Variants in CWC27 observed in about 807,000 individuals in gnomAD.
CWC27 encodes the protein spliceosome-associated protein CWC27 homolog.
Under a neutral mutation model 63.6 loss-of-function variants are expected in CWC27, and 47 were observed. That is an observed-to-expected ratio of 0.74 (90% CI 0.58 to 0.94). CWC27 has a LOEUF of 0.94. Ranked by LOEUF, CWC27 falls within the 40% of genes least tolerant of loss-of-function variation. CWC27 has a pLI of 0.00. For missense variants in CWC27, 495 were observed against 554.3 expected, an observed-to-expected ratio of 0.89 and a Z score of 1.07; for synonymous variants, 175 against 179.8, an observed-to-expected ratio of 0.97 and a Z score of 0.22.
chr5:64,775,864 G>A (rs1216859996), intron 2 of CWC27, among the ~76,000 whole-genome samples: 1 of 151,986 alleles, frequency 6.6e-6, no homozygotes, highest in Non-Finnish European at 1.5e-5. Context: ...GTTCTTCTAA[G>A]TTATATTTGA....
chr5:64,861,516 G>A (rs1168680642), intron 10 of CWC27, among the ~76,000 whole-genome samples: 2 of 152,012 alleles, frequency 1.3e-5, no homozygotes, highest in Non-Finnish European at 2.9e-5. Context: ...CAAAACAGTT[G>A]ACTAAACATG....
chr5:64,801,168 T>C (rs1426131266), intron 8 of CWC27, 134 bp from the exon 9 acceptor site: 1 of 843,588 alleles, frequency 1.2e-6, no homozygotes, highest in African/African-American at 1.9e-5. Flanking sequence ...CTATAATGCC[T>C]TTCTTAAATT....
intron 10 of CWC27, among the ~76,000 whole-genome samples, chr5:64,858,463 A>AAATAATAAT (rs199882585): frequency 3.0e-3 from 443 of 146,598 alleles, no homozygotes; most frequent in African/African-American, 9.3e-3. Flanking sequence ...CTCCATCTCA[A>AAATAATAAT]AATAATAATA....
At chr5:64,835,486 C>T (rs1304620652) in intron 10 of CWC27, among the ~76,000 whole-genome samples, 1 of 151,752 alleles carries the variant, frequency 6.6e-6, no homozygotes, top group African/African-American at 2.4e-5. Flanking sequence ...CATGTGGAAA[C>T]AGCAAACTTT....
At position 65,018,725 on chromosome 5, in the gene CWC27, T is replaced by C. The variant is rs1466317378; in HGVS notation, c.*404T>C. The C allele has an allele frequency of 1.3e-5, 2 of 151,792 alleles. No homozygotes were observed. Among genetic ancestry groups the C allele is most frequent in the African/African-American group, 2.4e-5 (1 of 41,374 alleles). 9.4% of individuals were successfully genotyped at this position (151,792 alleles called of 1,614,324 possible). On this transcript the variant is annotated 3_prime_UTR_variant, in exon 14 of 14. Transcript: ENST00000381070. ...CCTCCCTTTCACTAACTTCAGAATA[T>C]AATAAAATATTATAAATAAAATATA...
intron 11 of CWC27, among the ~76,000 whole-genome samples, chr5:64,900,456 C>A (rs1253050499): frequency 6.6e-6 from 1 of 152,134 alleles, no homozygotes; most frequent in Non-Finnish European, 1.5e-5. Context: ...TCTTTGGATA[C>A]AAATCCTTTA....
At chr5:64,808,784 G>A (rs192659707) in intron 10 of CWC27, among the ~76,000 whole-genome samples, 31 of 152,230 alleles carry the variant, frequency 2.0e-4, no homozygotes, top group African/African-American at 7.2e-4. Context: ...TCCATTATAG[G>A]AGTGGTTTTC....
In CWC27 at chr5:64,908,048, TG is replaced by T. The variant is rs1485998172; in HGVS notation, c.1042+22503del. On this transcript the variant is annotated intron_variant, in intron 11 of 13. Coordinates refer to ENST00000381070, the MANE Select transcript of CWC27 (RefSeq NM_005869.4). Reference sequence around the variant, plus strand: ...AGTGCTATAAATTTCCCTCTACACATGCTTTAAATATGTCCCAGAGATTCTG... The same window carrying T: ...AGTGCTATAAATTTCCCTCTACACATCTTTAAATATGTCCCAGAGATTCTG... 3.3e-5 allele frequency among the ~76,000 whole-genome samples: 5 copies of T among 152,200 alleles called. No homozygotes were observed. In the East Asian group the frequency reaches 9.6e-4, roughly 29 times the overall value.
intron 13 of CWC27, among the ~76,000 whole-genome samples, chr5:64,981,569 G>T (rs1749331647): frequency 6.6e-6 from 1 of 152,072 alleles, no homozygotes; most frequent in Non-Finnish European, 1.5e-5. Context: ...AACTAGAATT[G>T]CTTTCTCAGT....
intron 10 of CWC27, among the ~76,000 whole-genome samples, chr5:64,863,765 A>G (rs1324416849): frequency 6.6e-6 from 1 of 152,184 alleles, no homozygotes; most frequent in African/African-American, 2.4e-5. Flanking sequence ...CTGGGGTTAC[A>G]GGCATGAGAC....
chr5:64,880,853 C>CTTTTTTT (rs571051416), intron 10 of CWC27, among the ~76,000 whole-genome samples: 2 of 136,078 alleles, frequency 1.5e-5, no homozygotes, highest in Non-Finnish European at 1.6e-5. Context: ...TTATAAAAGC[C>CTTTTTTT]ATTTTTTTTT....
rs1747939093 is a variant in CWC27 at position 64,918,762 on chromosome 5, T to C, written c.1042+33216T>C. Among the ~76,000 whole-genome samples the C allele has an allele frequency of 2.0e-5, 3 of 152,186 alleles. No homozygotes were observed. The South Asian group carries it at 6.2e-4, about 31-fold the overall frequency. The stretch of plus-strand genomic sequence containing the variant: ...TGCTCTTTTTTCTTCATTTTTTCTG[T>C]TTAATATAATAGTATCTCTCACTTT... On this transcript the variant is annotated intron_variant, in intron 11 of 13. Coordinates refer to ENST00000381070, the MANE Select transcript of CWC27 (RefSeq NM_005869.4).
intron 10 of CWC27, among the ~76,000 whole-genome samples, chr5:64,843,309 C>T (rs1032469712): frequency 6.6e-6 from 1 of 152,174 alleles, no homozygotes; most frequent in Non-Finnish European, 1.5e-5. Context: ...TCAAGAGAGC[C>T]TTTCTTTGAC....
Position 64,786,577 on chromosome 5 carries a change from A to G in CWC27, c.549A>G (p.Lys183=). 1.3e-6 allele frequency: 2 copies of G among 1,595,212 alleles called. No individual in the cohort carries two copies. Among genetic ancestry groups the G allele is most frequent in the South Asian group, 1.1e-5 (1 of 87,286 alleles). ...TTCCAAGGGAAATTAAAAGGCTGAA[A>G]AAAGAGAAACCAGAGGAGGAAGTAA... The part of the protein sequence containing the change: ...DIIPREIKRL[K]KEKPEEEVKK... The change falls in exon 6 of 14, where the codon AAA becomes AAG. Residue 183 remains lysine, a synonymous_variant. Transcript: ENST00000381070.
chr5:64,882,800 G>A (rs1264898098), intron 10 of CWC27, among the ~76,000 whole-genome samples: 2 of 152,130 alleles, frequency 1.3e-5, no homozygotes, highest in African/African-American at 4.8e-5. Context: ...GTTTCACCAT[G>A]TTAGCCAGGA....
chr5:64,962,187 G>A (rs1328051098), intron 11 of CWC27, among the ~76,000 whole-genome samples: 1 of 152,162 alleles, frequency 6.6e-6, no homozygotes, highest in Non-Finnish European at 1.5e-5. Flanking sequence ...GCTACTTCCT[G>A]TTCTGGCAAC....
At chr5:64,776,094 A>T (rs1405903360) in intron 2 of CWC27, among the ~76,000 whole-genome samples, 1 of 150,176 alleles carries the variant, frequency 6.7e-6, no homozygotes, top group East Asian at 2.0e-4. Context: ...AGAGAGAGAG[A>T]GAGAGAGAGA....
chr5:64,826,384 A>G (rs887937282), intron 10 of CWC27, among the ~76,000 whole-genome samples: 2 of 152,104 alleles, frequency 1.3e-5, no homozygotes, highest in Non-Finnish European at 2.9e-5. Context: ...GTTATTTGAC[A>G]TTTATTGAGA....
At chr5:64,782,636 G>GGC (rs1422841787) in intron 3 of CWC27, among the ~76,000 whole-genome samples, 1 of 152,026 alleles carries the variant, frequency 6.6e-6, no homozygotes, top group Non-Finnish European at 1.5e-5. Flanking sequence ...TTAATTTGAT[G>GGC]GCACCAATAT....
Sources: allele counts gnomAD v4.1 joint callset (sites outside exome capture counted in the v4.1 genomes callset), GRCh38; gene constraint gnomAD v4.1.1; transcripts MANE v1.5; gene names NCBI Gene and HGNC (gene_info 2026-07-23, HGNC 2026-07-21).